HERC2: variants seen among roughly 807,000 people sequenced by gnomAD.
HERC2 encodes the protein HECT and RLD domain containing E3 ubiquitin protein ligase 2.
A neutral mutation model predicts 537.7 loss-of-function variants in HERC2; 102 were observed. The observed-to-expected ratio is 0.19, with a 90% CI of 0.16 to 0.22. The LOEUF (loss-of-function observed/expected upper bound fraction) is 0.22. HERC2 is among the 10% of genes least tolerant of loss of function. The probability of loss-of-function intolerance (pLI) is 1.00; values close to 1 mark genes in which losing one functional copy is unlikely to be tolerated. For missense variants in HERC2, 4,236 were observed against 6,198.2 expected (o/e 0.68, Z 10.63); for synonymous variants, 2,224 against 2,466.2 (o/e 0.90, Z 2.91).
At position 28,176,874 on chromosome 15, in the gene HERC2, T is replaced by C; in HGVS notation, c.9432+76A>G. On this transcript the variant is annotated intron_variant, in intron 61 of 92. Transcript: ENST00000261609. This position sits in a 1 kb window ranked among gnomAD's most constrained non-coding sequence, Gnocchi z 5.0. ...ATGCACACATCTTTATGAACTTTCCTAGACTTGAAGCTTATTTTCTCTTGA... is the reference window on the plus strand; with the variant it reads ...ATGCACACATCTTTATGAACTTTCCCAGACTTGAAGCTTATTTTCTCTTGA... 1 of 1,583,336 alleles carries C rather than the reference T, an allele frequency of 6.3e-7. No individual in the cohort carries two copies. Among genetic ancestry groups the C allele is most frequent in the Non-Finnish European group, 8.6e-7 (1 of 1,158,102 alleles).
intron 44 of HERC2, among the ~76,000 whole-genome samples, chr15:28,208,503 CAGGTGTATCACCCG>C (rs1898734882): frequency 6.6e-6 from 1 of 151,918 alleles, no homozygotes; most frequent in African/African-American, 2.4e-5. Flanking sequence ...ACCTTCCTAG[CAGGTGTATCACCCG>C]AAGGTCAATG....
intron 86 of HERC2, 97 bp downstream of exon 86, chr15:28,121,249 G>T: frequency 1.9e-6 from 2 of 1,080,492 alleles, no homozygotes; most frequent in Admixed American, 3.5e-5. Flanking sequence ...GGGGTGCACA[G>T]GATGGCAGGC....
chr15:28,203,767 T>C (rs1898121976), intron 45 of HERC2: 1 of 151,820 alleles, frequency 6.6e-6, no homozygotes. Flanking sequence ...CCACGAAATA[T>C]GCGGACGGAC....
chr15:28,322,011 C>T (rs1596482935), intron 1 of HERC2, 64 bp downstream of exon 1: 1 of 91,156 alleles, frequency 1.1e-5, no homozygotes, highest in Non-Finnish European at 2.0e-5. Context: ...CGGGCTCGGC[C>T]GCCCGCCAGC....
chr15:28,167,734 G>C lies in HERC2; in HGVS notation c.10507C>G (p.Leu3503Val), dbSNP rs764464935. 2 of 1,614,186 alleles carry C rather than the reference G, an allele frequency of 1.2e-6. No individual in the cohort carries two copies. The highest frequency in any genetic ancestry group is 1.1e-5 in the South Asian group (1 of 91,088). ...TCTGCAATGATGCTTGCGGCTCCCA[G>C]GTCATCCGTCACTGGGATAAAAGGC... ...ARPFIPVTDDLGAASIIAETM... is the reference protein window; with the variant it reads ...ARPFIPVTDDVGAASIIAETM... The change falls in exon 68 of 93, where the codon CTG becomes GTG. Residue 3503 changes from leucine (L) to valine (V), a missense_variant. Physicochemically the swap from Leu to Val is conservative, Grantham distance 32 (BLOSUM62 1). Coordinates refer to ENST00000261609, the MANE Select transcript of HERC2 (RefSeq NM_004667.6).
chr15:28,166,283 C>A (rs1894129929), intron 68 of HERC2, among the ~76,000 whole-genome samples: 1 of 152,056 alleles, frequency 6.6e-6, no homozygotes, highest in Non-Finnish European at 1.5e-5. Flanking sequence ...AGCAGCAAAC[C>A]AAATCTAGCA....
In HERC2 at chr15:28,134,941, G is replaced by A. The variant is rs143740086; in HGVS notation, c.12230+537C>T. Among the ~76,000 whole-genome samples the A allele has an allele frequency of 4.1e-3, 625 of 152,132 alleles. 6 individuals are homozygous for A. The highest frequency in any genetic ancestry group is 0.014 in the African/African-American group (585 of 41,490). ...GCCCACCTCAGCTTCCCAAAGTGCT[G>A]GGATTACAGGCGTGAGCCACCACGC... is the stretch of plus-strand genomic sequence containing the variant. On this transcript the variant is annotated intron_variant, in intron 79 of 92. Transcript: ENST00000261609.
rs761208427 is a variant in HERC2 at position 28,174,512 on chromosome 15, C to T, written c.9940G>A (p.Val3314Met). 6.8e-6 allele frequency: 11 copies of T among 1,613,992 alleles called. No individual in the cohort carries two copies. Among genetic ancestry groups the T allele is most frequent in the South Asian group, 3.3e-5 (3 of 91,076 alleles). ...QGLEGQKITRVACGSSHSVAW... is the reference protein window; with the variant it reads ...QGLEGQKITRMACGSSHSVAW... ...ACACTGTGGGACGACCCACAAGCCA[C>T]GCGTGTGATCTTCTGGCCTTCTAAG... The change falls in exon 65 of 93, where the codon GTG (valine) becomes ATG (methionine). Residue 3314 changes from valine (V) to methionine (M), a missense_variant. Val to Met is a conservative substitution (Grantham distance 21, BLOSUM62 1). This residue lies in a region of HERC2 where 93 missense variants were observed against 265.1 expected (regional missense o/e 0.35). Coordinates refer to ENST00000261609, the MANE Select transcript of HERC2 (RefSeq NM_004667.6).
chr15:28,182,356 C>T, intron 57 of HERC2, 45 bp downstream of exon 57: 2 of 1,238,896 alleles, frequency 1.6e-6, no homozygotes, highest in Non-Finnish European at 2.4e-6. Context: ...GGTGTGGCTG[C>T]TGCCGAGTGC....
At chr15:28,252,012 C>CATT (rs2075099940) in intron 20 of HERC2, among the ~76,000 whole-genome samples, 1 of 152,118 alleles carries the variant, frequency 6.6e-6, no homozygotes, top group African/African-American at 2.4e-5. Flanking sequence ...CTGATCTGCC[C>CATT]TAGACTCATA....
At chr15:28,138,797 C>CA (rs1287730122) in intron 78 of HERC2, among the ~76,000 whole-genome samples, 12 of 152,222 alleles carry the variant, frequency 7.9e-5, no homozygotes, top group African/African-American at 2.9e-4. Flanking sequence ...CTGCCATAGA[C>CA]AGTGATTCCT....
At position 28,269,270 on chromosome 15, in the gene HERC2, T is replaced by G; in HGVS notation, c.1424A>C (p.Gln475Pro). The change falls in exon 11 of 93, where the codon CAG becomes CCG. Residue 475 changes from glutamine (Q) to proline (P), a missense_variant. By Grantham distance (76) the Gln-to-Pro change is moderately conservative. This residue lies in a region of HERC2 where 491 missense variants were observed against 559.3 expected (regional missense o/e 0.88). Transcript: ENST00000261609. Reference sequence around the variant, plus strand: ...CACCAGCGTGTCACTATTATAGGCCTGTGTGTACACGCGGCCATTGCGTGA... The same window carrying G: ...CACCAGCGTGTCACTATTATAGGCCGGTGTGTACACGCGGCCATTGCGTGA... Reference protein sequence around the residue: ...ILSRNGRVYTQAYNSDTLAPQ... With the variant: ...ILSRNGRVYTPAYNSDTLAPQ... The G allele has an allele frequency of 6.2e-7, 1 of 1,613,794 alleles. No individual in the cohort carries two copies. Among genetic ancestry groups the G allele is most frequent in the Non-Finnish European group, 8.5e-7 (1 of 1,179,828 alleles).
chr15:28,162,154 A>G (rs1026600191), intron 69 of HERC2, among the ~76,000 whole-genome samples: 3 of 152,068 alleles, frequency 2.0e-5, no homozygotes, highest in Non-Finnish European at 2.9e-5. Flanking sequence ...ACATGGTGAA[A>G]CCCCATCTCA....
chr15:28,224,149 C>CA lies in HERC2; in HGVS notation c.5465-1935_5465-1934insT, dbSNP rs1321759830. Among the ~76,000 whole-genome samples the CA allele has an allele frequency of 2.7e-3, 355 of 133,062 alleles. 2 individuals carry two copies. The highest frequency in any genetic ancestry group is 0.012 in the Middle Eastern group (3 of 256). The allele number at this position is 133,062 out of a possible 152,430, so 87.3% of individuals were successfully genotyped here. A position where few individuals can be genotyped will look rare whatever the true frequency, so the allele number is the denominator to read the frequency against. The stretch of plus-strand genomic sequence containing the variant: ...TAAAAAATTATACACACACACACAC[C>CA]CACACACACACACACACAGAGAGAG... On this transcript the variant is annotated intron_variant, in intron 35 of 92. Coordinates refer to ENST00000261609, the MANE Select transcript of HERC2 (RefSeq NM_004667.6).
At chr15:28,218,347 A>T (rs1346754089) in intron 38 of HERC2, 142 bp downstream of exon 38, 7 of 734,210 alleles carry the variant, frequency 9.5e-6, no homozygotes, top group South Asian at 5.0e-5. Flanking sequence ...TCTACTGTGT[A>T]AGCCCCCAAG....
chr15:28,308,352 ATT>A (rs1376880370), intron 2 of HERC2, among the ~76,000 whole-genome samples: 1 of 152,084 alleles, frequency 6.6e-6, no homozygotes, highest in African/African-American at 2.4e-5. Context: ...TCTTTTTCAT[ATT>A]GTTTACTGTT....
At chr15:28,175,717 G>A in intron 63 of HERC2, 61 bp from the exon 64 acceptor site, 1 of 1,538,270 alleles carries the variant, frequency 6.5e-7, no homozygotes, top group Non-Finnish European at 9.0e-7. Context: ...TGCTATACAA[G>A]AAGACACTCA....
Position 28,132,775 on chromosome 15 carries a change from C to T in HERC2, c.12286G>A (p.Val4096Ile), listed in dbSNP as rs1890236134. Residue 4096 changes from valine (V) to isoleucine (I), a missense_variant, in exon 80 of 93, where the codon GTT (valine) becomes ATT (isoleucine). This residue lies in a region of HERC2 where 94 missense variants were observed against 137.4 expected (regional missense o/e 0.68). Transcript: ENST00000261609. Reference sequence around the variant, plus strand: ...GCGCTGTGGGCTCCGCCAGCAGCAACATCGACCACTTCAATTCCTCTCAGA... The same window carrying T: ...GCGCTGTGGGCTCCGCCAGCAGCAATATCGACCACTTCAATTCCTCTCAGA... ...ESLRGIEVVD[V>I]AAGGAHSACV... 1 of 1,606,746 alleles carries T rather than the reference C, an allele frequency of 6.2e-7. No homozygotes were observed.
intron 15 of HERC2, among the ~76,000 whole-genome samples, 197 bp from the exon 16 acceptor site, chr15:28,261,167 G>C (rs542446669): frequency 1.0e-3 from 156 of 152,130 alleles, no homozygotes; most frequent in South Asian, 7.7e-3. Flanking sequence ...GCTACAATTC[G>C]TTAGGACCCA....
Sources: allele counts gnomAD v4.1 joint callset (sites outside exome capture counted in the v4.1 genomes callset), GRCh38; gene constraint gnomAD v4.1.1; regional missense constraint gnomAD v4.1.1; non-coding constraint Gnocchi (gnomAD v3.1); transcripts MANE v1.5; gene names NCBI Gene and HGNC (gene_info 2026-07-23, HGNC 2026-07-21).